FNTB: variants seen among roughly 807,000 people sequenced by gnomAD.
FNTB encodes the protein farnesyltransferase, CAAX box, subunit beta, also known as protein farnesyltransferase subunit beta.
A neutral mutation model predicts 59.4 loss-of-function variants in FNTB; 27 were observed. The ratio of observed to expected loss-of-function variants is 0.45; its 90% confidence interval spans 0.34 to 0.63. The LOEUF (loss-of-function observed/expected upper bound fraction) is 0.63, where lower values mean the gene tolerates loss of function less well. FNTB is among the 20% of genes least tolerant of loss of function. The probability of loss-of-function intolerance (pLI) is 0.02; values close to 1 mark genes in which losing one functional copy is unlikely to be tolerated. For synonymous variants in FNTB, 230 were observed against 220.7 expected, an observed-to-expected ratio of 1.04 and a Z score of -0.37; for missense variants, 449 against 559.6, an observed-to-expected ratio of 0.80 and a Z score of 1.99.
intron 1 of FNTB, among the ~76,000 whole-genome samples, chr14:64,999,767 C>G (rs549726139): frequency 1.3e-5 from 2 of 152,256 alleles, no homozygotes; most frequent in South Asian, 4.1e-4. Flanking sequence ...AACAGCTGAC[C>G]TGTAATACAC....
intron 1 of FNTB, among the ~76,000 whole-genome samples, chr14:64,999,252 G>A (rs56216395): frequency 0.13 from 19,298 of 152,106 alleles, 1,316 homozygotes; most frequent in Admixed American, 0.17. Flanking sequence ...AACCTGGCCA[G>A]CATGGCGAAA....
At position 65,044,616 on chromosome 14, in the gene FNTB, T is replaced by G; in HGVS notation, c.955+173T>G. ...GGGGCATGCGAATGCAGAGTAAGAT[T>G]TAGTTTCATTGGTTTAGTGTCATTC... On this transcript the variant is annotated intron_variant, in intron 9 of 11. Coordinates refer to ENST00000246166, the MANE Select transcript of FNTB (RefSeq NM_002028.4). This position sits in a 1 kb window ranked among gnomAD's most constrained non-coding sequence, Gnocchi z 5.5. 1 of 957,738 alleles carries G rather than the reference T, an allele frequency of 1.0e-6. No individual in the cohort carries two copies. Among genetic ancestry groups the G allele is most frequent in the Non-Finnish European group, 1.5e-6 (1 of 687,404 alleles). 59.3% of individuals were successfully genotyped at this position (957,738 alleles called of 1,614,324 possible).
chr14:65,045,919 C>T (rs771857528), intron 9 of FNTB, among the ~76,000 whole-genome samples: 1 of 152,184 alleles, frequency 6.6e-6, no homozygotes, highest in Non-Finnish European at 1.5e-5. Context: ...GACTTTGGAG[C>T]CTGCACAGTC....
At chr14:65,050,820 T>C (rs1337483740) in intron 9 of FNTB, among the ~76,000 whole-genome samples, 1 of 152,236 alleles carries the variant, frequency 6.6e-6, no homozygotes, top group Non-Finnish European at 1.5e-5. Context: ...TTATTCCCTT[T>C]AACCGAATAA....
At chr14:64,992,421 T>C (rs1566859799) in intron 1 of FNTB, among the ~76,000 whole-genome samples, 1 of 152,240 alleles carries the variant, frequency 6.6e-6, no homozygotes. Context: ...CCTCTTCTTA[T>C]TTATAAAATG....
intron 9 of FNTB, among the ~76,000 whole-genome samples, chr14:65,048,401 C>G (rs1237711112): frequency 4.0e-5 from 6 of 151,754 alleles, no homozygotes; most frequent in Admixed American, 3.9e-4. Flanking sequence ...AGGCATTGAT[C>G]ATATTGCTAA....
chr14:65,027,274 A>C lies in FNTB; in HGVS notation c.375-179A>C. On this transcript the variant is annotated intron_variant, in intron 4 of 11. Transcript: ENST00000246166. The surrounding 1 kb of genome is among the most constrained non-coding windows in gnomAD (Gnocchi z 5.7). The stretch of plus-strand genomic sequence containing the variant: ...GAGGAGGGCAGACAGAAATGATGAT[A>C]GCTGGAGAGAGAATTAAGCCCTTTG... 1.1e-6 allele frequency: 1 copy of C among 925,970 alleles called. No homozygotes were observed. The highest frequency in any genetic ancestry group is 1.7e-5 in the African/African-American group (1 of 60,474). The allele number at this position is 925,970 out of a possible 1,614,324, so 57.4% of individuals were successfully genotyped here.
intron 1 of FNTB, among the ~76,000 whole-genome samples, chr14:64,987,892 G>A (rs1888014225): frequency 6.6e-6 from 1 of 152,152 alleles, no homozygotes; most frequent in African/African-American, 2.4e-5. Context: ...TGTTCCCAAG[G>A]TTGCTATGTG....
chr14:65,045,716 C>T (rs2062463040), intron 9 of FNTB, among the ~76,000 whole-genome samples: 1 of 152,020 alleles, frequency 6.6e-6, no homozygotes, highest in African/African-American at 2.4e-5. Flanking sequence ...GCACCCGGCC[C>T]TGAGCCTCAT....
rs1888159036 is a variant in FNTB at position 64,990,553 on chromosome 14, C to T, written c.144+3456C>T. 6.6e-6 allele frequency among the ~76,000 whole-genome samples: 1 copy of T among 152,074 alleles called. No homozygotes were observed. The highest frequency in any genetic ancestry group is 2.1e-4 in the South Asian group (1 of 4,824). On this transcript the variant is annotated intron_variant, in intron 1 of 11. Coordinates refer to ENST00000246166, the MANE Select transcript of FNTB (RefSeq NM_002028.4). This position sits in a 1 kb window ranked among gnomAD's most constrained non-coding sequence, Gnocchi z 5.2. ...TTCAGGTACCCCTGATTTACCAGCT[C>T]CAGATACTGCATTTTCTCTTGTGGT...
chr14:65,039,887 T>A (rs1346342928), intron 7 of FNTB, among the ~76,000 whole-genome samples: 1 of 152,220 alleles, frequency 6.6e-6, no homozygotes, highest in Non-Finnish European at 1.5e-5. Flanking sequence ...CTAGTAGACC[T>A]GTACTCAAAG....
chr14:65,061,874 A>G lies in FNTB; in HGVS notation c.*562A>G, dbSNP rs915515631. On this transcript the variant is annotated 3_prime_UTR_variant, in exon 12 of 12. Transcript: ENST00000246166. ...AAAAGAGCTGGAGGTGGGGAGAGAA[A>G]GATCTCCTTCAGTTGGGAGTCCTTC... 1 of 155,158 alleles carries G rather than the reference A, an allele frequency of 6.4e-6. No homozygotes were observed. The highest frequency in any genetic ancestry group is 2.4e-5 in the African/African-American group (1 of 41,486). The allele number at this position is 155,158 out of a possible 1,614,324, so 9.6% of individuals were successfully genotyped here.
intron 8 of FNTB, 134 bp downstream of exon 8, chr14:65,041,053 A>G: frequency 7.1e-7 from 1 of 1,404,208 alleles, no homozygotes; most frequent in Non-Finnish European, 9.5e-7. Flanking sequence ...ACACAGAGGA[A>G]GGAGTGAGCA....
chr14:65,013,413 C>T (rs902155034), intron 3 of FNTB, among the ~76,000 whole-genome samples: 3 of 151,594 alleles, frequency 2.0e-5, no homozygotes, highest in Admixed American at 6.6e-5. Context: ...ACCAGTTAAA[C>T]AATACACATC....
At chr14:65,000,836 A>AT in intron 1 of FNTB, among the ~76,000 whole-genome samples, 1 of 145,916 alleles carries the variant, frequency 6.9e-6, no homozygotes, top group Non-Finnish European at 1.5e-5. Context: ...AAAAAAAAAA[A>AT]AAAAAGAATA....
chr14:65,017,296 C>A (rs2061793993), intron 4 of FNTB, among the ~76,000 whole-genome samples: 1 of 152,072 alleles, frequency 6.6e-6, no homozygotes, highest in Non-Finnish European at 1.5e-5. Context: ...CCTACACAAT[C>A]AGGATATTTG....
At chr14:64,987,252 C>T in intron 1 of FNTB, 155 bp downstream of exon 1, 1 of 884,904 alleles carries the variant, frequency 1.1e-6, no homozygotes, top group Non-Finnish European at 1.7e-6. Flanking sequence ...GGCGCCCAGG[C>T]TTGGGCTTCG....
chr14:65,041,644 C>T (rs1380412780), intron 8 of FNTB, among the ~76,000 whole-genome samples: 1 of 152,194 alleles, frequency 6.6e-6, no homozygotes, highest in Non-Finnish European at 1.5e-5. Context: ...TTATGCGGCC[C>T]ATCGTGAGCT....
intron 4 of FNTB, among the ~76,000 whole-genome samples, chr14:65,020,220 C>T (rs936824978): frequency 2.0e-5 from 3 of 152,200 alleles, no homozygotes; most frequent in African/African-American, 7.2e-5. Flanking sequence ...GCCAGCAAGG[C>T]GAGGTTGTTA....
Sources: gnomAD v4.1 joint callset for allele counts (sites outside exome capture counted in the v4.1 genomes callset) on GRCh38, gnomAD v4.1.1 for gene constraint, Gnocchi (gnomAD v3.1) non-coding constraint, MANE v1.5 for transcripts, NCBI Gene and HGNC (gene_info 2026-07-23, HGNC 2026-07-21) for gene names.